The following UNC45B variants were observed in gnomAD, a reference collection of about 807,000 sequenced individuals.
UNC45B encodes protein unc-45 homolog B.
UNC45B carries 78 observed loss-of-function variants against 98.7 expected under a neutral mutation model. The ratio of observed to expected loss-of-function variants is 0.79; its 90% CI spans 0.66 to 0.95. The LOEUF is 0.95. Ranked by LOEUF, UNC45B falls within the 40% of genes least tolerant of loss-of-function variation. The probability of loss-of-function intolerance (pLI) is 0.00; values close to 1 mark genes in which losing one functional copy is unlikely to be tolerated. For missense variants in UNC45B, 1,225 were observed against 1,184.9 expected (o/e 1.03, Z -0.50); for synonymous variants, 462 against 480.4 (o/e 0.96, Z 0.50).
At chr17:35,148,128 T>C (rs2091987390) in intron 1 of UNC45B, 136 bp from the exon 2 acceptor site, 1 of 927,226 alleles carries the variant, frequency 1.1e-6, no homozygotes, top group Admixed American at 2.8e-5. Context: ...GTTCTGGGGG[T>C]GGGTCCCTTC....
In UNC45B at chr17:35,174,235, T is replaced by C. The variant is rs979325194; in HGVS notation, c.1831-7T>C. On this transcript the variant is annotated splice_region_variant and splice_polypyrimidine_tract_variant and intron_variant, in intron 13 of 19. Transcript: ENST00000394570. ...CCTCCCACATTGCCATCTTTTCATC[T>C]CCTCAGGACAAGAAGGACTTTATAG... The C allele has an allele frequency of 6.2e-7, 1 of 1,614,000 alleles. No homozygotes were observed. The highest frequency in any genetic ancestry group is 8.5e-7 in the Non-Finnish European group (1 of 1,179,998).
chr17:35,175,139 A>G lies in UNC45B; in HGVS notation c.1958+770A>G, dbSNP rs116703145. Reference sequence around the variant, plus strand: ...AAAGGGAAAGGAAAGGAAGGAAGGAAGGAGAAGGAAAGAAAGAGGGAAAGA... The same window carrying G: ...AAAGGGAAAGGAAAGGAAGGAAGGAGGGAGAAGGAAAGAAAGAGGGAAAGA... On this transcript the variant is annotated intron_variant, in intron 14 of 19. Transcript: ENST00000394570. Among the ~76,000 whole-genome samples the G allele has an allele frequency of 8.3e-3, 1,252 of 151,374 alleles. 19 individuals carry two copies. Among genetic ancestry groups the G allele is most frequent in the African/African-American group, 0.029 (1,192 of 41,148 alleles).
rs73989547 is a variant in UNC45B, at chr17:35,148,293, G to A, written c.30G>A (p.Lys10=). Residue 10 remains lysine, a synonymous_variant, in exon 2 of 20, where the codon AAG becomes AAA. Transcript: ENST00000394570. MAEVEAVQL[K]EEGNRHFQLQ... ...CAGAGGTGGAAGCGGTACAGCTGAA[G>A]GAGGAAGGAAACCGGCATTTCCAGC... is the stretch of plus-strand genomic sequence containing the variant. The A allele has an allele frequency of 9.4e-4, 1,523 of 1,614,162 alleles. 12 individuals are homozygous for A. The African/African-American group carries it at 0.018, about 19-fold the overall frequency.
chr17:35,177,538 A>G lies in UNC45B; in HGVS notation c.2183A>G (p.Gln728Arg). 1.3e-6 allele frequency: 2 copies of G among 1,567,762 alleles called. No homozygotes were observed. The highest frequency in any genetic ancestry group is 1.7e-6 in the Non-Finnish European group (2 of 1,155,252). Residue 728 changes from glutamine (Q) to arginine (R), a missense_variant, in exon 17 of 20, where the codon CAG becomes CGG. Transcript: ENST00000394570. ...VRPLVRLLDT[Q>R]RDGLQNYEAL... ...CCCCTTGTAAGACTCTTGGACACAC[A>G]GAGGGATGGGCTTCAGAACTATGAG... is the stretch of plus-strand genomic sequence containing the variant.
intron 17 of UNC45B, among the ~76,000 whole-genome samples, chr17:35,180,161 T>C (rs1033904802): frequency 6.6e-6 from 1 of 152,166 alleles, no homozygotes; most frequent in African/African-American, 2.4e-5. Context: ...CTCTCCTTTC[T>C]GTATTGCTTT....
intron 19 of UNC45B, among the ~76,000 whole-genome samples, chr17:35,184,656 A>G (rs1335577393): frequency 2.6e-5 from 4 of 152,180 alleles, no homozygotes; most frequent in African/African-American, 9.7e-5. Flanking sequence ...CTATTTTACA[A>G]ATGAGGAAAC....
chr17:35,175,125 AAAGG>A (rs569273245), intron 14 of UNC45B, among the ~76,000 whole-genome samples: 118 of 151,074 alleles, frequency 7.8e-4, no homozygotes, highest in African/African-American at 1.6e-3. Flanking sequence ...AAGGGAAAGG[AAAGG>A]AAGGAAGGAA....
chr17:35,168,373 CG>C lies in UNC45B; in HGVS notation c.1452+14del. 7.5e-7 allele frequency: 1 copy of C among 1,332,038 alleles called. No individual in the cohort carries two copies. Among genetic ancestry groups the C allele is most frequent in the Non-Finnish European group, 9.7e-7 (1 of 1,031,888 alleles). The allele number at this position is 1,332,038 out of a possible 1,614,324, so 82.5% of individuals were successfully genotyped here. A position where few individuals can be genotyped will look rare whatever the true frequency, so the allele number is the denominator to read the frequency against. ...TCCGCACACTGGTGGTGAGTGGGCT[CG>C]GTACCACCCTCCTACTCAGTACAAG... On this transcript the variant is annotated intron_variant, in intron 10 of 19. Transcript: ENST00000394570.
Position 35,159,388 on chromosome 17 carries a change from C to T in UNC45B, c.822C>T (p.Asp274=). 7 of 1,613,440 alleles carry T rather than the reference C, an allele frequency of 4.3e-6. No individual in the cohort carries two copies. Among genetic ancestry groups the T allele is most frequent in the Non-Finnish European group, 5.1e-6 (6 of 1,179,568 alleles). The change falls in exon 8 of 20, where the codon GAC becomes GAT. Residue 274 remains aspartate, a synonymous_variant. Transcript: ENST00000394570. Reference sequence around the variant, plus strand: ...CTTTTTCTTCAGACACCAAGAAGGACCTGAAGCAGATCACCAGCCACCTGC... The same window carrying T: ...CTTTTTCTTCAGACACCAAGAAGGATCTGAAGCAGATCACCAGCCACCTGC... ...EEALVLDTKK[D]LKQITSHLLD...
rs2092154327 is a variant in UNC45B at position 35,168,134 on chromosome 17, C to G, written c.1225C>G (p.Pro409Ala). 1.3e-6 allele frequency: 2 copies of G among 1,595,898 alleles called. No individual in the cohort carries two copies. Among genetic ancestry groups the G allele is most frequent in the East Asian group, 4.6e-5 (2 of 43,218 alleles). Reference sequence around the variant, plus strand: ...GACAGTGTCAGGGATCCTGCAGGGCCCCTTTGACCTGGGCAACCAGCTGCT... The same window carrying G: ...GACAGTGTCAGGGATCCTGCAGGGCGCCTTTGACCTGGGCAACCAGCTGCT... ...IQTVSGILQG[P>A]FDLGNQLLGL... The change falls in exon 10 of 20, where the codon CCC becomes GCC. Residue 409 changes from proline to alanine, a missense_variant. Coordinates refer to ENST00000394570, the MANE Select transcript of UNC45B (RefSeq NM_001267052.2).
At chr17:35,167,464 T>C (rs1182720024) in intron 9 of UNC45B, among the ~76,000 whole-genome samples, 1 of 151,950 alleles carries the variant, frequency 6.6e-6, no homozygotes, top group Non-Finnish European at 1.5e-5. Flanking sequence ...TACAAAAAAA[T>C]TTAAACAATT....
At chr17:35,164,447 T>C (rs936769073) in intron 9 of UNC45B, 3 of 270,416 alleles carry the variant, frequency 1.1e-5, no homozygotes, top group Non-Finnish European at 2.1e-5. Context: ...GTGCTGGCTG[T>C]TGGTGGGAGG....
At position 35,148,899 on chromosome 17, in the gene UNC45B, G is replaced by C; in HGVS notation, c.169-74G>C. On this transcript the variant is annotated intron_variant, in intron 2 of 19. Coordinates refer to ENST00000394570, the MANE Select transcript of UNC45B (RefSeq NM_001267052.2). ...CCCCAGGAAACCCTCTCCCCACACTGTGGGGACACTCTCTGGCCATCTCTG... is the reference window on the plus strand; with the variant it reads ...CCCCAGGAAACCCTCTCCCCACACTCTGGGGACACTCTCTGGCCATCTCTG... 4 of 1,591,218 alleles carry C rather than the reference G, an allele frequency of 2.5e-6. No individual in the cohort carries two copies. In the South Asian group the frequency reaches 3.3e-5, roughly 13 times the overall value.
chr17:35,148,967 C>T lies in UNC45B; in HGVS notation c.169-6C>T, dbSNP rs2091996761. 1.2e-6 allele frequency: 2 copies of T among 1,614,082 alleles called. No individual in the cohort carries two copies. The highest frequency in any genetic ancestry group is 1.7e-6 in the Non-Finnish European group (2 of 1,179,990). On this transcript the variant is annotated splice_polypyrimidine_tract_variant and splice_region_variant and intron_variant, in intron 2 of 19. Transcript: ENST00000394570. ...CCGAGTCTCCTTCTCCTTCCCCTTT[C>T]CTCAGGAGAGCTACGTCCAGGCAGC... is the stretch of plus-strand genomic sequence containing the variant.
At chr17:35,180,081 A>C (rs2142596631) in intron 17 of UNC45B, among the ~76,000 whole-genome samples, 1 of 152,294 alleles carries the variant, frequency 6.6e-6, no homozygotes, top group South Asian at 2.1e-4. Flanking sequence ...AGTCTGGGGT[A>C]ACAAGATTCA....
At chr17:35,151,292 G>A (rs1597904345) in intron 4 of UNC45B, 1 of 169,908 alleles carries the variant, frequency 5.9e-6, no homozygotes. Context: ...CCACACGAGC[G>A]GCGCCGGGGA....
intron 14 of UNC45B, 71 bp from the exon 15 acceptor site, chr17:35,175,897 G>A: frequency 6.9e-7 from 1 of 1,456,876 alleles, no homozygotes; most frequent in Non-Finnish European, 9.6e-7. Flanking sequence ...CGACTGGCTG[G>A]CCTGCTGCTG....
At chr17:35,180,732 C>G (rs1597935746) in intron 18 of UNC45B, 56 bp downstream of exon 18, 1 of 1,426,386 alleles carries the variant, frequency 7.0e-7, no homozygotes, top group Non-Finnish European at 9.8e-7. Context: ...GAGAGGCAGG[C>G]CAGGGTCAGG....
rs143458696 is a variant in UNC45B, at chr17:35,181,922, G to A, written c.2373+1246G>A. Among the ~76,000 whole-genome samples, 190 of 152,146 alleles carry A rather than the reference G, an allele frequency of 1.2e-3. No homozygotes were observed. In the East Asian group the frequency reaches 0.02, roughly 16 times the overall value. On this transcript the variant is annotated intron_variant, in intron 18 of 19. Coordinates refer to ENST00000394570, the MANE Select transcript of UNC45B (RefSeq NM_001267052.2). ...GACAGAGAGTGTGTCCAAGGAGATG[G>A]GCGGGGAGGCTGAGAGGTTGAGAGA...
Sources: gnomAD v4.1 joint callset for allele counts (sites outside exome capture counted in the v4.1 genomes callset) on GRCh38, gnomAD v4.1.1 for gene constraint, MANE v1.5 for transcripts, NCBI Gene and HGNC (gene_info 2026-07-23, HGNC 2026-07-21) for gene names.